The following PRKG1 variants were observed in gnomAD, a reference collection of about 807,000 sequenced individuals.
PRKG1 encodes cGMP-dependent protein kinase 1.
A neutral mutation model predicts 88.1 loss-of-function variants in PRKG1; 35 were observed. The observed-to-expected ratio is 0.40, with a 90% confidence interval of 0.30 to 0.53. The LOEUF (loss-of-function observed/expected upper bound fraction) is 0.53, where lower values mean the gene tolerates loss of function less well. Among genes scored for constraint, PRKG1 ranks in the 20% least tolerant of loss-of-function variants. The pLI, the probability that PRKG1 is intolerant of heterozygous loss-of-function variation, is 0.59. For missense variants in PRKG1, 540 were observed against 839.8 expected (o/e 0.64, Z 4.41); for synonymous variants, 303 against 292.5 (o/e 1.04, Z -0.37).
At chr10:51,226,637 G>A (rs1432814061) in intron 2 of PRKG1, among the ~76,000 whole-genome samples, 2 of 152,134 alleles carry the variant, frequency 1.3e-5, no homozygotes, top group African/African-American at 4.8e-5. Context: ...AATACAATTT[G>A]AGGATATTAG....
At chr10:51,643,635 G>A (rs550711049) in intron 3 of PRKG1, among the ~76,000 whole-genome samples, 1 of 152,246 alleles carries the variant, frequency 6.6e-6, no homozygotes, top group South Asian at 2.1e-4. Context: ...TGGATCTCCT[G>A]CTGAGTGCTT....
chr10:51,233,059 G>A (rs116558414), intron 2 of PRKG1, among the ~76,000 whole-genome samples: 1 of 152,296 alleles, frequency 6.6e-6, no homozygotes, highest in African/African-American at 2.4e-5. Context: ...AGGTGACCAT[G>A]CTGAGAATAT....
chr10:51,031,604 A>G (rs1271046602), intron 1 of PRKG1, among the ~76,000 whole-genome samples: 1 of 152,180 alleles, frequency 6.6e-6, no homozygotes, highest in Non-Finnish European at 1.5e-5. Context: ...TTTACTGTAT[A>G]CATGCAGTAT....
chr10:51,395,320 C>G (rs1285604367), intron 2 of PRKG1, among the ~76,000 whole-genome samples: 1 of 152,218 alleles, frequency 6.6e-6, no homozygotes, highest in Non-Finnish European at 1.5e-5. Context: ...TGCAGCACCT[C>G]ATTGTCTAGG....
At chr10:51,317,795 T>C (rs1368993063) in intron 2 of PRKG1, among the ~76,000 whole-genome samples, 1 of 152,218 alleles carries the variant, frequency 6.6e-6, no homozygotes. Context: ...TCCTATAGAA[T>C]AAAGTCTGGA....
intron 1 of PRKG1, among the ~76,000 whole-genome samples, chr10:51,126,910 T>C (rs1185643467): frequency 6.6e-6 from 1 of 152,196 alleles, no homozygotes; most frequent in African/African-American, 2.4e-5. Context: ...ACTAGCCATG[T>C]GCAGAAAATT....
At chr10:51,819,932 G>C (rs1236202140) in intron 4 of PRKG1, among the ~76,000 whole-genome samples, 1 of 152,138 alleles carries the variant, frequency 6.6e-6, no homozygotes, top group Admixed American at 6.6e-5. Context: ...AGAATGAAAA[G>C]CTTCATCATC....
chr10:51,125,176 T>G (rs1845365321), intron 1 of PRKG1, among the ~76,000 whole-genome samples: 1 of 151,814 alleles, frequency 6.6e-6, no homozygotes, highest in African/African-American at 2.4e-5. Flanking sequence ...AATACCAAAT[T>G]GGCTGGGCAT....
In PRKG1 at chr10:51,689,239, A is replaced by ACTATCTATCTATCTATCTAT. The variant is rs1164074395; in HGVS notation, c.593-115333_593-115314dup. ...CACAGTTGACATAATAAATCTATCTACTATCTATCTATCTATCTATCTATC... is the reference window on the plus strand; with the variant it reads ...CACAGTTGACATAATAAATCTATCTACTATCTATCTATCTATCTATCTATCTATCTATCTATCTATCTATC... On this transcript the variant is annotated intron_variant, in intron 3 of 17. Coordinates refer to ENST00000373980, the MANE Select transcript of PRKG1 (RefSeq NM_006258.4). Among the ~76,000 whole-genome samples, 246 of 150,338 alleles carry ACTATCTATCTATCTATCTAT rather than the reference A, an allele frequency of 1.6e-3. 1 individual carries two copies. Among genetic ancestry groups the ACTATCTATCTATCTATCTAT allele is most frequent in the Middle Eastern group, 3.4e-3 (1 of 290 alleles).
At chr10:51,867,940 G>A (rs971653605) in intron 4 of PRKG1, among the ~76,000 whole-genome samples, 1 of 152,098 alleles carries the variant, frequency 6.6e-6, no homozygotes, top group African/African-American at 2.4e-5. Flanking sequence ...GGTTTCATTT[G>A]TATCTTACCC....
intron 1 of PRKG1, among the ~76,000 whole-genome samples, chr10:51,023,088 T>C (rs1326770902): frequency 6.6e-6 from 1 of 152,208 alleles, no homozygotes; most frequent in East Asian, 1.9e-4. Context: ...AGAAAGGCCA[T>C]TTGACAGAAG....
At chr10:51,004,336 GT>G (rs1299409491) in intron 1 of PRKG1, among the ~76,000 whole-genome samples, 1 of 152,140 alleles carries the variant, frequency 6.6e-6, no homozygotes, top group Non-Finnish European at 1.5e-5. Flanking sequence ...GGTGGTGCCT[GT>G]AATCCTAGCT....
chr10:51,737,316 T>C (rs1278521526), intron 3 of PRKG1, among the ~76,000 whole-genome samples: 1 of 152,224 alleles, frequency 6.6e-6, no homozygotes, highest in Admixed American at 6.5e-5. Flanking sequence ...TTACCGTTCA[T>C]GGTATGATTC....
At chr10:51,498,670 A>G (rs1265958776) in intron 3 of PRKG1, among the ~76,000 whole-genome samples, 1 of 152,170 alleles carries the variant, frequency 6.6e-6, no homozygotes, top group Non-Finnish European at 1.5e-5. Context: ...TAAATAACAT[A>G]CATAAGTGAA....
chr10:51,986,227 C>A (rs891030000), intron 5 of PRKG1, among the ~76,000 whole-genome samples: 1 of 152,066 alleles, frequency 6.6e-6, no homozygotes, highest in Admixed American at 6.5e-5. Flanking sequence ...AGTCAGGAAC[C>A]ACCTGTACAA....
At chr10:51,384,767 G>C (rs1837207646) in intron 2 of PRKG1, among the ~76,000 whole-genome samples, 1 of 151,988 alleles carries the variant, frequency 6.6e-6, no homozygotes, top group Non-Finnish European at 1.5e-5. Flanking sequence ...GACTTTCTTT[G>C]AGGGCAATGG....
chr10:51,738,401 C>T (rs1837346650), intron 3 of PRKG1, among the ~76,000 whole-genome samples: 1 of 152,114 alleles, frequency 6.6e-6, no homozygotes, highest in Non-Finnish European at 1.5e-5. Context: ...ATTTGTATGG[C>T]ATGGTGCAAG....
chr10:51,049,910 T>C (rs1181255163), intron 1 of PRKG1, among the ~76,000 whole-genome samples: 2 of 152,172 alleles, frequency 1.3e-5, no homozygotes, highest in Non-Finnish European at 2.9e-5. Flanking sequence ...GCAAACATTG[T>C]AATAAATTGT....
intron 3 of PRKG1, among the ~76,000 whole-genome samples, chr10:51,486,450 A>C (rs1840543202): frequency 1.3e-5 from 2 of 152,206 alleles, no homozygotes; most frequent in Admixed American, 6.5e-5. Flanking sequence ...TGTATTAGAT[A>C]TATACAACTT....
Sources: allele counts gnomAD v4.1 joint callset (sites outside exome capture counted in the v4.1 genomes callset), GRCh38; gene constraint gnomAD v4.1.1; transcripts MANE v1.5; gene names NCBI Gene and HGNC (gene_info 2026-07-23, HGNC 2026-07-21).